VIPR2: variants seen among roughly 807,000 people sequenced by gnomAD.
VIPR2 encodes the protein vasoactive intestinal polypeptide receptor 2.
VIPR2 carries 48 observed loss-of-function variants against 58.0 expected under a neutral mutation model. That is an observed-to-expected ratio of 0.83 (90% confidence interval 0.66 to 1.05). The LOEUF is 1.05. Among genes scored for constraint, VIPR2 ranks in the 50% least tolerant of loss-of-function variants. VIPR2 has a pLI of 0.00. For synonymous variants in VIPR2, 243 were observed against 235.2 expected, an observed-to-expected ratio of 1.03 and a Z score of -0.30; for missense variants, 534 against 558.0, an observed-to-expected ratio of 0.96 and a Z score of 0.43.
chr7:159,048,345 T>C (rs1854774529), intron 5 of VIPR2, among the ~76,000 whole-genome samples: 3 of 152,234 alleles, frequency 2.0e-5, no homozygotes, highest in Admixed American at 2.0e-4. Context: ...GTTTTGTTAA[T>C]GTGGATATGA....
At chr7:159,090,455 G>A (rs372951481) in intron 4 of VIPR2, among the ~76,000 whole-genome samples, 84 of 43,932 alleles carry the variant, frequency 1.9e-3, no homozygotes, top group African/African-American at 3.0e-3. Flanking sequence ...CACAATCCCC[G>A]GTGACCTCAG....
At chr7:159,083,265 C>T (rs1857005848) in intron 4 of VIPR2, among the ~76,000 whole-genome samples, 1 of 152,214 alleles carries the variant, frequency 6.6e-6, no homozygotes, top group Admixed American at 6.5e-5. Flanking sequence ...TCATCTTTGT[C>T]TGGGTGAGGG....
chr7:159,032,882 C>T (rs939587888), intron 10 of VIPR2, among the ~76,000 whole-genome samples: 3 of 152,076 alleles, frequency 2.0e-5, no homozygotes, highest in African/African-American at 4.8e-5. Context: ...CAACCAAGAA[C>T]GATCTTATTC....
rs562416256 is a variant in VIPR2 at position 159,137,163 on chromosome 7, T to C, written c.151+5283A>G. 1.1e-3 allele frequency among the ~76,000 whole-genome samples: 175 copies of C among 152,232 alleles called. 1 individual carries two copies. Among genetic ancestry groups the C allele is most frequent in the African/African-American group, 4.0e-3 (167 of 41,546 alleles). ...GGGCCGGCCGCCCACCCTGAATGGCTTCCTGTGACCCACTGTGGTCACCCA... is the reference window on the plus strand; with the variant it reads ...GGGCCGGCCGCCCACCCTGAATGGCCTCCTGTGACCCACTGTGGTCACCCA... On this transcript the variant is annotated intron_variant, in intron 2 of 12. Coordinates refer to ENST00000262178, the MANE Select transcript of VIPR2 (RefSeq NM_003382.5).
At chr7:159,062,240 G>A (rs1855722783) in intron 4 of VIPR2, among the ~76,000 whole-genome samples, 2 of 152,198 alleles carry the variant, frequency 1.3e-5, no homozygotes, top group East Asian at 3.9e-4. Flanking sequence ...AGCCACAGCA[G>A]CCCGCAGGTG....
Position 159,030,533 on chromosome 7 carries a change from C to G in VIPR2, c.*83G>C. On this transcript the variant is annotated 3_prime_UTR_variant, in exon 13 of 13. Coordinates refer to ENST00000262178, the MANE Select transcript of VIPR2 (RefSeq NM_003382.5). ...CCTGCCCGACACGGTGCTCGGGCAT[C>G]TGGAAGGAGGAAGCCGGCGTCTCAG... 1 of 1,449,712 alleles carries G rather than the reference C, an allele frequency of 6.9e-7. No homozygotes were observed. Among genetic ancestry groups the G allele is most frequent in the Non-Finnish European group, 9.1e-7 (1 of 1,096,700 alleles). The allele number at this position is 1,449,712 out of a possible 1,614,324, so 89.8% of individuals were successfully genotyped here.
chr7:159,087,032 C>T (rs1311302406), intron 4 of VIPR2, among the ~76,000 whole-genome samples: 1 of 152,162 alleles, frequency 6.6e-6, no homozygotes, highest in Non-Finnish European at 1.5e-5. Flanking sequence ...ACCAACAATA[C>T]CGAGGATCCT....
At chr7:159,079,158 C>T (rs938768527) in intron 4 of VIPR2, among the ~76,000 whole-genome samples, 4 of 152,146 alleles carry the variant, frequency 2.6e-5, no homozygotes, top group African/African-American at 9.7e-5. Context: ...AGGGACTGAC[C>T]TTCGCCCCAA....
intron 5 of VIPR2, among the ~76,000 whole-genome samples, chr7:159,054,970 A>G (rs1372633578): frequency 6.6e-6 from 1 of 152,224 alleles, no homozygotes; most frequent in Non-Finnish European, 1.5e-5. Flanking sequence ...GTGTGTACAT[A>G]TACACACATA....
intron 5 of VIPR2, among the ~76,000 whole-genome samples, chr7:159,057,346 C>T (rs1311589264): frequency 6.6e-6 from 1 of 151,942 alleles, no homozygotes; most frequent in African/African-American, 2.4e-5. Flanking sequence ...TATGATAGGC[C>T]TTCCTCACTT....
chr7:159,103,697 G>C (rs2129495923), intron 4 of VIPR2, 60 bp downstream of exon 4: 1 of 1,268,400 alleles, frequency 7.9e-7, no homozygotes, highest in Non-Finnish European at 1.2e-6. Context: ...GCAGGAGGGG[G>C]CTTCTGGTGC....
At chr7:159,057,063 C>A (rs1855364597) in intron 5 of VIPR2, among the ~76,000 whole-genome samples, 1 of 152,014 alleles carries the variant, frequency 6.6e-6, no homozygotes, top group Non-Finnish European at 1.5e-5. Context: ...TCTTGGGTTG[C>A]CTAATTAAAT....
At chr7:159,121,739 AAAC>A (rs1459870641) in intron 2 of VIPR2, among the ~76,000 whole-genome samples, 2 of 152,338 alleles carry the variant, frequency 1.3e-5, no homozygotes, top group South Asian at 4.1e-4. Flanking sequence ...TTTATGATAT[AAAC>A]AAATGGCAAT....
intron 10 of VIPR2, among the ~76,000 whole-genome samples, chr7:159,032,329 C>T (rs2071625): frequency 0.25 from 37,850 of 152,170 alleles, 5,320 homozygotes; most frequent in East Asian, 0.63. Flanking sequence ...CAAGGACACA[C>T]GCTGTGTCCT....
Position 159,037,727 on chromosome 7 carries a change from C to T in VIPR2, c.598-825G>A, listed in dbSNP as rs569111244. Among the ~76,000 whole-genome samples, 4 of 152,270 alleles carry T rather than the reference C, an allele frequency of 2.6e-5. 1 individual carries two copies. The highest frequency in any genetic ancestry group is 4.1e-4 in the South Asian group (2 of 4,822). On this transcript the variant is annotated intron_variant, in intron 6 of 12. Transcript: ENST00000262178. The stretch of plus-strand genomic sequence containing the variant: ...AATCCATCTATTTTAATCTCTCAGA[C>T]CTTCATCTAACTAAATGTACCAGGC...
chr7:159,123,910 G>C (rs1386155693), intron 2 of VIPR2, among the ~76,000 whole-genome samples: 1 of 152,140 alleles, frequency 6.6e-6, no homozygotes, highest in African/African-American at 2.4e-5. Context: ...CAGTGATGTT[G>C]ACCTTTTTTC....
At chr7:159,033,365 C>T (rs1264946348) in intron 10 of VIPR2, among the ~76,000 whole-genome samples, 1 of 152,222 alleles carries the variant, frequency 6.6e-6, no homozygotes, top group Non-Finnish European at 1.5e-5. Context: ...TGGTACAGCT[C>T]TGTGCACAGC....
At chr7:159,122,162 G>A (rs1464386481) in intron 2 of VIPR2, among the ~76,000 whole-genome samples, 1 of 152,234 alleles carries the variant, frequency 6.6e-6, no homozygotes, top group Admixed American at 6.5e-5. Context: ...AGGAGGTCAA[G>A]GGACATGACG....
In VIPR2 at chr7:159,128,394, C is replaced by T. The variant is rs1226100641; in HGVS notation, c.151+14052G>A. ...GGTGCCTGCTGGCACCAGGACACAC[C>T]TTATGCCCCTCAGATGACTGAGGTC... On this transcript the variant is annotated intron_variant, in intron 2 of 12. Transcript: ENST00000262178. The surrounding 1 kb of genome is among the most constrained non-coding windows in gnomAD (Gnocchi z 4.1). Among the ~76,000 whole-genome samples, 2 of 152,152 alleles carry T rather than the reference C, an allele frequency of 1.3e-5. No homozygotes were observed. Among genetic ancestry groups the T allele is most frequent in the East Asian group, 3.9e-4 (2 of 5,174 alleles).
Sources: gnomAD v4.1 joint callset for allele counts (sites outside exome capture counted in the v4.1 genomes callset) on GRCh38, gnomAD v4.1.1 for gene constraint, Gnocchi (gnomAD v3.1) non-coding constraint, MANE v1.5 for transcripts, NCBI Gene and HGNC (gene_info 2026-07-23, HGNC 2026-07-21) for gene names.